The following PHF20 variants were observed in gnomAD, a reference collection of about 807,000 sequenced individuals.
PHF20 encodes the protein PHD finger protein 20, also known as glioma-expressed antigen 2.
In PHF20, 23 loss-of-function variants were observed where a neutral mutation model predicts 113.5. The observed-to-expected ratio is 0.20, with a 90% CI of 0.15 to 0.29. The LOEUF (loss-of-function observed/expected upper bound fraction) is 0.29. Ranked by LOEUF, PHF20 falls within the 10% of genes least tolerant of loss-of-function variation. The pLI is 1.00. For synonymous variants in PHF20, 434 were observed against 457.3 expected, an observed-to-expected ratio of 0.95 and a Z score of 0.65; for missense variants, 943 against 1,219.6, an observed-to-expected ratio of 0.77 and a Z score of 3.38.
chr20:35,919,811 T>C (rs529544780), intron 13 of PHF20, among the ~76,000 whole-genome samples: 1 of 152,346 alleles, frequency 6.6e-6, no homozygotes, highest in South Asian at 2.1e-4. Context: ...GAAAACACTT[T>C]TATTTTGAAA....
In PHF20 at chr20:35,863,149, A is replaced by C; in HGVS notation, c.557A>C (p.Lys186Thr). ...VKKDKEDKPL[K>T]TEKRPKQPDK... is the part of the protein sequence containing the mutation. ...AAAGACAAAGAAGATAAACCCTTAA[A>C]GACAGAAAAGCGACCCAAGCAGCCT... Residue 186 changes from lysine (K) to threonine (T), a missense_variant, in exon 6 of 18, where the codon AAG (lysine) becomes ACG (threonine). By Grantham distance (78) the Lys-to-Thr change is moderately conservative. Around this residue, in one of 3 missense-constraint regions of PHF20, gnomAD observed 592 missense variants for 787.2 expected, o/e 0.75. Transcript: ENST00000374012. 1.2e-6 allele frequency: 2 copies of C among 1,614,000 alleles called. No homozygotes were observed. The highest frequency in any genetic ancestry group is 1.7e-5 in the Admixed American group (1 of 59,944).
At chr20:35,902,698 C>G (rs770177685) in intron 10 of PHF20, among the ~76,000 whole-genome samples, 19 of 152,314 alleles carry the variant, frequency 1.2e-4, no homozygotes, top group African/African-American at 4.6e-4. Flanking sequence ...AATACAGGCT[C>G]TACCGCTTGC....
chr20:35,885,294 T>A (rs1275368391), intron 9 of PHF20, among the ~76,000 whole-genome samples: 1 of 152,044 alleles, frequency 6.6e-6, no homozygotes, highest in Non-Finnish European at 1.5e-5. Flanking sequence ...TGCCATTTGT[T>A]CTAATAATGT....
At chr20:35,822,370 A>G (rs936356388) in intron 2 of PHF20, among the ~76,000 whole-genome samples, 55 of 151,636 alleles carry the variant, frequency 3.6e-4, no homozygotes, top group African/African-American at 1.3e-3. Flanking sequence ...GTGAGCTATG[A>G]TTGTGCTGCT....
chr20:35,822,665 CT>C (rs1306461819), intron 2 of PHF20, among the ~76,000 whole-genome samples: 1 of 150,376 alleles, frequency 6.6e-6, no homozygotes, highest in African/African-American at 2.4e-5. Context: ...AAGACCCTGT[CT>C]CTACAAAAAA....
intron 1 of PHF20, among the ~76,000 whole-genome samples, chr20:35,788,622 G>A (rs980145986): frequency 6.6e-6 from 1 of 152,014 alleles, no homozygotes; most frequent in Non-Finnish European, 1.5e-5. Flanking sequence ...CTGTTGCCCA[G>A]GCTGGAGTGC....
chr20:35,887,745 A>G (rs979978618), intron 9 of PHF20: 11 of 151,794 alleles, frequency 7.2e-5, no homozygotes, highest in Non-Finnish European at 1.3e-4. Flanking sequence ...CAATACACCA[A>G]AGTGACAACT....
chr20:35,790,031 G>C (rs1400195151), intron 1 of PHF20, among the ~76,000 whole-genome samples: 1 of 150,464 alleles, frequency 6.6e-6, no homozygotes, highest in African/African-American at 2.4e-5. Flanking sequence ...ATTTTTTTTT[G>C]TGTTTAGTAG....
chr20:35,923,440 G>T (rs2055558566), intron 13 of PHF20, among the ~76,000 whole-genome samples: 1 of 152,060 alleles, frequency 6.6e-6, no homozygotes, highest in Admixed American at 6.6e-5. Context: ...GTTTCTACAA[G>T]AAATTAAATA....
intron 4 of PHF20, among the ~76,000 whole-genome samples, chr20:35,854,427 G>A (rs1223964511): frequency 2.0e-5 from 3 of 152,174 alleles, no homozygotes; most frequent in South Asian, 2.1e-4. Context: ...CATGTTGTTT[G>A]TTAGGTAGTG....
At chr20:35,904,947 T>C (rs2055176659) in intron 10 of PHF20, among the ~76,000 whole-genome samples, 1 of 152,074 alleles carries the variant, frequency 6.6e-6, no homozygotes, top group African/African-American at 2.4e-5. Context: ...TGCCTCAGCC[T>C]CCCGAGTAGC....
intron 4 of PHF20, chr20:35,855,670 T>C (rs2042813976): frequency 6.6e-6 from 1 of 152,086 alleles, no homozygotes; most frequent in South Asian, 2.1e-4. Flanking sequence ...GTAGTTATTT[T>C]ATTTTTATTT....
chr20:35,804,187 T>C (rs1373935724), intron 2 of PHF20, among the ~76,000 whole-genome samples: 1 of 150,182 alleles, frequency 6.7e-6, no homozygotes, highest in Non-Finnish European at 1.5e-5. Context: ...CAGTTCAGCC[T>C]CAGCTGGGAT....
intron 2 of PHF20, among the ~76,000 whole-genome samples, chr20:35,812,334 T>C (rs1030398804): frequency 6.6e-6 from 1 of 152,144 alleles, no homozygotes; most frequent in Non-Finnish European, 1.5e-5. Context: ...TGATAATCTT[T>C]CTTCTTCCCG....
intron 13 of PHF20, among the ~76,000 whole-genome samples, chr20:35,926,121 CAAAAAAA>C (rs527440244): frequency 9.7e-5 from 7 of 72,342 alleles, no homozygotes; most frequent in Non-Finnish European, 2.1e-4. Context: ...GACTCCATCT[CAAAAAAA>C]AAAAAAAAAA....
At chr20:35,803,108 C>T (rs905322823) in intron 2 of PHF20, among the ~76,000 whole-genome samples, 2 of 150,752 alleles carry the variant, frequency 1.3e-5, no homozygotes, top group African/African-American at 2.4e-5. Flanking sequence ...AAAAATTAGC[C>T]GGGCATGATG....
chr20:35,793,344 G>C (rs1392256742), intron 1 of PHF20, among the ~76,000 whole-genome samples: 1 of 149,640 alleles, frequency 6.7e-6, no homozygotes, highest in Non-Finnish European at 1.5e-5. Flanking sequence ...CTGTCACCCA[G>C]GCTGGAGTGC....
intron 13 of PHF20, among the ~76,000 whole-genome samples, chr20:35,925,727 G>T: frequency 6.7e-6 from 1 of 150,264 alleles, no homozygotes. Flanking sequence ...GGCAATACAT[G>T]CTTATGGTTA....
intron 2 of PHF20, 40 bp from the exon 3 acceptor site, chr20:35,842,533 G>A: frequency 6.5e-7 from 1 of 1,533,304 alleles, no homozygotes; most frequent in Non-Finnish European, 8.9e-7. Flanking sequence ...TATTTGGGGT[G>A]GGTATTAAAG....
Sources: gnomAD v4.1 joint callset for allele counts (sites outside exome capture counted in the v4.1 genomes callset) on GRCh38, gnomAD v4.1.1 for gene constraint, gnomAD v4.1.1 regional missense constraint, MANE v1.5 for transcripts, NCBI Gene and HGNC (gene_info 2026-07-23, HGNC 2026-07-21) for gene names.